Variants in ARMC2 observed in about 807,000 individuals in gnomAD.
ARMC2 encodes the protein armadillo repeat containing 2.
Under a neutral mutation model 90.3 loss-of-function variants are expected in ARMC2, and 67 were observed. The observed-to-expected ratio is 0.74, with a 90% confidence interval of 0.61 to 0.91. The LOEUF (loss-of-function observed/expected upper bound fraction) is 0.91, where lower values mean the gene tolerates loss of function less well. Ranked by LOEUF, ARMC2 falls within the 40% of genes least tolerant of loss-of-function variation. ARMC2 has a pLI of 0.00. For synonymous variants in ARMC2, 393 were observed against 393.0 expected (o/e 1.00, Z 0.00); for missense variants, 920 against 1,030.9 (o/e 0.89, Z 1.47).
chr6:108,938,825 C>A (rs149168726), intron 12 of ARMC2, among the ~76,000 whole-genome samples: 19 of 152,140 alleles, frequency 1.2e-4, no homozygotes, highest in African/African-American at 4.6e-4. Context: ...TCTAGCATTA[C>A]TAATAGATAC....
the ARMC2 span, among the ~76,000 whole-genome samples, chr6:109,051,318 T>G: frequency 1.3e-5 from 2 of 149,956 alleles, no homozygotes; most frequent in Non-Finnish European, 1.5e-5. Flanking sequence ...TACCAAACAT[T>G]GAAACTGAGT....
At chr6:108,939,723 C>T (rs929572039) in intron 12 of ARMC2, among the ~76,000 whole-genome samples, 1 of 152,090 alleles carries the variant, frequency 6.6e-6, no homozygotes, top group African/African-American at 2.4e-5. Flanking sequence ...TTTTAATTTC[C>T]AAAGAGGAAT....
chr6:108,947,241 G>T (rs976717452), intron 12 of ARMC2, among the ~76,000 whole-genome samples: 1 of 152,242 alleles, frequency 6.6e-6, no homozygotes, highest in African/African-American at 2.4e-5. Context: ...AATCAGAGAT[G>T]CTGGGGCTGG....
chr6:108,994,452 T>C, the ARMC2 span: 1 of 1,605,788 alleles, frequency 6.2e-7, no homozygotes, highest in South Asian at 1.1e-5. Flanking sequence ...TATATAATGG[T>C]TGTTCTTACC....
intron 12 of ARMC2, 67 bp downstream of exon 12, chr6:108,937,066 T>A: frequency 7.5e-7 from 1 of 1,336,502 alleles, no homozygotes; most frequent in Non-Finnish European, 1.0e-6. Flanking sequence ...AAGCCCATGT[T>A]AAATGTCTTT....
intron 3 of ARMC2, among the ~76,000 whole-genome samples, chr6:108,863,962 C>T (rs1336654996): frequency 6.6e-6 from 1 of 152,098 alleles, no homozygotes; most frequent in African/African-American, 2.4e-5. Flanking sequence ...TAACTGAGCT[C>T]CAGGTAATTG....
chr6:108,957,902 A>G (rs12195848), intron 13 of ARMC2, among the ~76,000 whole-genome samples: 1 of 152,052 alleles, frequency 6.6e-6, no homozygotes, highest in Non-Finnish European at 1.5e-5. Context: ...ACTAGCTCCA[A>G]TGGGAACTCA....
intron 10 of ARMC2, among the ~76,000 whole-genome samples, chr6:108,920,262 T>C (rs1471204922): frequency 1.3e-5 from 2 of 152,202 alleles, no homozygotes; most frequent in African/African-American, 4.8e-5. Flanking sequence ...TGATCTCAGC[T>C]CACTGCAACC....
chr6:108,884,589 A>T (rs1777900223), intron 5 of ARMC2, among the ~76,000 whole-genome samples: 1 of 152,078 alleles, frequency 6.6e-6, no homozygotes, highest in Non-Finnish European at 1.5e-5. Flanking sequence ...CTAAAGGAGG[A>T]GCATAAGCCA....
intron 10 of ARMC2, among the ~76,000 whole-genome samples, chr6:108,925,906 G>A (rs938166403): frequency 8.5e-5 from 13 of 152,166 alleles, no homozygotes; most frequent in Admixed American, 7.9e-4. Flanking sequence ...ATAAATGTGG[G>A]CTTTCTCTCC....
At chr6:109,049,683 GGA>G in the ARMC2 span, among the ~76,000 whole-genome samples, 2 of 150,474 alleles carry the variant, frequency 1.3e-5, no homozygotes, top group Non-Finnish European at 3.0e-5. Context: ...AAAATAAAAA[GGA>G]GAGGGGACGT....
At chr6:108,885,592 T>C (rs1778007642) in intron 5 of ARMC2, among the ~76,000 whole-genome samples, 1 of 151,386 alleles carries the variant, frequency 6.6e-6, no homozygotes, top group Non-Finnish European at 1.5e-5. Flanking sequence ...GAGAATCGCT[T>C]GAACCCAGGA....
chr6:109,011,330 CT>C, the ARMC2 span, among the ~76,000 whole-genome samples: 2 of 152,046 alleles, frequency 1.3e-5, no homozygotes, highest in Non-Finnish European at 2.9e-5. Flanking sequence ...ATTAGGATTC[CT>C]TTTTCCCCCA....
chr6:109,029,553 T>G, the ARMC2 span, among the ~76,000 whole-genome samples: 2 of 152,194 alleles, frequency 1.3e-5, no homozygotes, highest in Admixed American at 6.5e-5. Flanking sequence ...TGTTTCTCTT[T>G]TAAGATGGGT....
chr6:108,940,396 A>G (rs1468307838), intron 12 of ARMC2, among the ~76,000 whole-genome samples: 1 of 152,224 alleles, frequency 6.6e-6, no homozygotes, highest in African/African-American at 2.4e-5. Context: ...GCCCATGCAC[A>G]GGTATTAATA....
At chr6:109,009,644 C>A in the ARMC2 span, 266 of 801,342 alleles carry the variant, frequency 3.3e-4, no homozygotes, top group African/African-American at 4.6e-3. Context: ...CAAGCCAATG[C>A]GGGCTCGCGT....
At chr6:108,911,308 T>G (rs1290954067) in intron 9 of ARMC2, among the ~76,000 whole-genome samples, 1 of 152,212 alleles carries the variant, frequency 6.6e-6, no homozygotes, top group Non-Finnish European at 1.5e-5. Context: ...CATTTAATAG[T>G]ATTTGACATA....
the ARMC2 span, chr6:108,998,812 C>T: frequency 1.3e-6 from 2 of 1,521,598 alleles, no homozygotes; most frequent in African/African-American, 2.8e-5. Flanking sequence ...TAAAAGTATA[C>T]AGTTCATTTT....
chr6:108,860,617 G>A (rs946679209), intron 3 of ARMC2, among the ~76,000 whole-genome samples: 3 of 147,668 alleles, frequency 2.0e-5, no homozygotes, highest in Admixed American at 1.4e-4. Flanking sequence ...AGCCGAGTTC[G>A]CGCCACTGCA....
Sources: allele counts gnomAD v4.1 joint callset (sites outside exome capture counted in the v4.1 genomes callset), GRCh38; gene constraint gnomAD v4.1.1; transcripts MANE v1.5; gene names NCBI Gene and HGNC (gene_info 2026-07-23, HGNC 2026-07-21).